Variants in FARP1 observed in about 807,000 individuals in gnomAD.
The protein encoded by FARP1 is FERM, ARH/RhoGEF and pleckstrin domain protein 1.
A neutral mutation model predicts 128.8 loss-of-function variants in FARP1; 52 were observed. The ratio of observed to expected loss-of-function variants is 0.40; its 90% CI spans 0.32 to 0.51. The LOEUF (loss-of-function observed/expected upper bound fraction) is 0.51, where lower values mean the gene tolerates loss of function less well. Ranked by LOEUF, FARP1 falls within the 20% of genes least tolerant of loss-of-function variation. FARP1 has a pLI of 0.45. For synonymous variants in FARP1, 580 were observed against 551.8 expected (o/e 1.05, Z -0.72); for missense variants, 1,333 against 1,367.9 (o/e 0.97, Z 0.40).
intron 2 of FARP1, among the ~76,000 whole-genome samples, chr13:98,259,114 G>A (rs1883751879): frequency 6.6e-6 from 1 of 152,122 alleles, no homozygotes; most frequent in Non-Finnish European, 1.5e-5. Flanking sequence ...CAGCGGCTGA[G>A]GTGGGAGGAT....
In FARP1 at chr13:98,424,553, C is replaced by G; in HGVS notation, c.1827-19C>G. 1 of 1,553,160 alleles carries G rather than the reference C, an allele frequency of 6.4e-7. No individual in the cohort carries two copies. The highest frequency in any genetic ancestry group is 1.7e-5 in the Admixed American group (1 of 59,940). On this transcript the variant is annotated intron_variant, in intron 16 of 26. Transcript: ENST00000319562. ...ACTACTGATGCTTTGTATTTCCAAC[C>G]CTTTGCTTTTGCTCTCAGGGAAGGC...
At chr13:98,415,146 G>T (rs1336833002) in intron 16 of FARP1, among the ~76,000 whole-genome samples, 3 of 152,208 alleles carry the variant, frequency 2.0e-5, no homozygotes, top group African/African-American at 7.2e-5. Flanking sequence ...CCCCAAACCT[G>T]GCGGTGCCTC....
Position 98,448,993 on chromosome 13 carries a change from CGTAGCAGG to C in FARP1, c.*679_*686del, listed in dbSNP as rs1330102385. On this transcript the variant is annotated 3_prime_UTR_variant, in exon 27 of 27. Transcript: ENST00000319562. ...GTTTTAAGTGGTAACTCTTTCCAACCGTAGCAGGGTTGTTTTCTGTTAAGCAAAGCCGA... is the reference window on the plus strand; with the variant it reads ...GTTTTAAGTGGTAACTCTTTCCAACCGTTGTTTTCTGTTAAGCAAAGCCGA... The C allele has an allele frequency of 6.6e-6, 1 of 152,142 alleles. No individual in the cohort carries two copies. Among genetic ancestry groups the C allele is most frequent in the Non-Finnish European group, 1.5e-5 (1 of 68,052 alleles). The allele number at this position is 152,142 out of a possible 1,614,324, so 9.4% of individuals were successfully genotyped here.
intron 2 of FARP1, among the ~76,000 whole-genome samples, chr13:98,246,084 ATTCT>A (rs1883036598): frequency 9.7e-6 from 1 of 102,866 alleles, no homozygotes; most frequent in Non-Finnish European, 1.9e-5. Flanking sequence ...GCCGAGATAA[ATTCT>A]TTTTTTTTTT....
At chr13:98,400,399 A>T in intron 13 of FARP1, 1 of 152,262 alleles carries the variant, frequency 6.6e-6, no homozygotes, top group Non-Finnish European at 1.5e-5. Flanking sequence ...TGAAACTGCC[A>T]TGAGTGTGCA....
chr13:98,385,792 A>T lies in FARP1; in HGVS notation c.737A>T (p.Asn246Ile). 6.2e-7 allele frequency: 1 copy of T among 1,614,214 alleles called. No homozygotes were observed. Among genetic ancestry groups the T allele is most frequent in the Non-Finnish European group, 8.5e-7 (1 of 1,180,040 alleles). The change falls in exon 8 of 27, where the codon AAC becomes ATC. Residue 246 changes from asparagine (N) to isoleucine (I), a missense_variant. Asn to Ile is a moderately radical substitution (Grantham distance 149). Around this residue, in one of 2 missense-constraint regions of FARP1, gnomAD observed 324 missense variants for 398.1 expected, o/e 0.81. Transcript: ENST00000319562. ...ACGAAGATCAATCTGGCCGTTGCCA[A>T]CACGGGAATTCTAGTGTTTCAGGTG... is the stretch of plus-strand genomic sequence containing the variant. The part of the protein sequence containing the change: ...EGTKINLAVA[N>I]TGILVFQGFT...
intron 2 of FARP1, among the ~76,000 whole-genome samples, chr13:98,227,653 C>T (rs61970167): frequency 0.19 from 28,467 of 152,028 alleles, 3,492 homozygotes; most frequent in Middle Eastern, 0.33. Context: ...AGGATCTCGT[C>T]GAGATAATTG....
At chr13:98,435,441 T>G in intron 18 of FARP1, 135 bp from the exon 19 acceptor site, 1 of 797,078 alleles carries the variant, frequency 1.3e-6, no homozygotes, top group South Asian at 2.0e-5. Context: ...AATAGCACTG[T>G]TTTTGCTCAA....
intron 2 of FARP1, among the ~76,000 whole-genome samples, chr13:98,255,154 A>C (rs1883523917): frequency 1.3e-5 from 2 of 152,160 alleles, no homozygotes; most frequent in South Asian, 4.1e-4. Context: ...TAGCCAAGAC[A>C]AAAAAATTGT....
At chr13:98,229,990 A>G (rs1235481829) in intron 2 of FARP1, among the ~76,000 whole-genome samples, 1 of 152,226 alleles carries the variant, frequency 6.6e-6, no homozygotes, top group Admixed American at 6.5e-5. Context: ...TTTAAAATCA[A>G]GTTGTGATGG....
intron 2 of FARP1, among the ~76,000 whole-genome samples, chr13:98,320,098 C>T (rs1886925160): frequency 6.6e-6 from 1 of 152,198 alleles, no homozygotes; most frequent in Non-Finnish European, 1.5e-5. Flanking sequence ...CCCGGGCTAG[C>T]TCTTCGGTGC....
intron 21 of FARP1, 50 bp from the exon 22 acceptor site, chr13:98,439,911 T>G: frequency 7.6e-7 from 1 of 1,321,782 alleles, no homozygotes; most frequent in Non-Finnish European, 1.1e-6. Flanking sequence ...CAGGGATGTT[T>G]GGAAGTGCAT....
intron 1 of FARP1, among the ~76,000 whole-genome samples, chr13:98,159,790 TA>T (rs554398296): frequency 5.4e-4 from 82 of 152,286 alleles, no homozygotes; most frequent in African/African-American, 1.9e-3. Context: ...TTTTAAAAAA[TA>T]TTCATTACAC....
intron 3 of FARP1, among the ~76,000 whole-genome samples, chr13:98,350,708 T>G (rs555859628): frequency 6.6e-6 from 1 of 152,294 alleles, no homozygotes; most frequent in South Asian, 2.1e-4. Flanking sequence ...CTTTTTAATT[T>G]TCTGTACTCT....
At chr13:98,391,701 A>C (rs1890312729) in intron 11 of FARP1, among the ~76,000 whole-genome samples, 1 of 152,194 alleles carries the variant, frequency 6.6e-6, no homozygotes, top group Admixed American at 6.5e-5. Flanking sequence ...CTGTGAGGTC[A>C]GTGCTCTTTT....
intron 1 of FARP1, among the ~76,000 whole-genome samples, chr13:98,212,373 C>T (rs373743520): frequency 6.6e-6 from 1 of 152,122 alleles, no homozygotes; most frequent in East Asian, 1.9e-4. Context: ...GACATTTGAA[C>T]TGAATTTTAA....
Position 98,440,769 on chromosome 13 carries a change from C to T in FARP1, c.2729C>T (p.Thr910Ile), listed in dbSNP as rs757710271. ...LERQAPHRGN[T>I]MVHVCWHRNT... ...CGCCAGGCCCCGCACCGCGGCAACA[C>T]AATGGTGCACGTGTGCTGGCACCGC... The change falls in exon 24 of 27, where the codon ACA (threonine) becomes ATA (isoleucine). Residue 910 changes from threonine (T) to isoleucine (I), a missense_variant. By Grantham distance (89) the Thr-to-Ile change is moderately conservative (BLOSUM62 -1). This residue lies in a region of FARP1 where 1,009 missense variants were observed against 969.8 expected (regional missense o/e 1.04). Coordinates refer to ENST00000319562, the MANE Select transcript of FARP1 (RefSeq NM_005766.4). 2.5e-6 allele frequency: 4 copies of T among 1,613,316 alleles called. No homozygotes were observed. Among genetic ancestry groups the T allele is most frequent in the South Asian group, 2.2e-5 (2 of 91,084 alleles).
chr13:98,265,337 T>TTTTTTTG (rs1403379778), intron 2 of FARP1, among the ~76,000 whole-genome samples: 1 of 118,538 alleles, frequency 8.4e-6, no homozygotes. Flanking sequence ...TTTTTTTTTT[T>TTTTTTTG]GAGACGGAGT....
intron 1 of FARP1, among the ~76,000 whole-genome samples, chr13:98,181,627 T>TGAGAG (rs1410176235): frequency 4.8e-5 from 5 of 104,196 alleles, no homozygotes; most frequent in African/African-American, 2.1e-4. Flanking sequence ...TTTATTTATT[T>TGAGAG]ATTTATTTAT....
Sources: gnomAD v4.1 joint callset for allele counts (sites outside exome capture counted in the v4.1 genomes callset) on GRCh38, gnomAD v4.1.1 for gene constraint, gnomAD v4.1.1 regional missense constraint, MANE v1.5 for transcripts, NCBI Gene and HGNC (gene_info 2026-07-23, HGNC 2026-07-21) for gene names.